ARHGAP18: variants seen among roughly 807,000 people sequenced by gnomAD.
ARHGAP18 encodes the protein Rho GTPase activating protein 18.
A neutral mutation model predicts 86.2 loss-of-function variants in ARHGAP18; 67 were observed. The observed-to-expected ratio is 0.78, with a 90% confidence interval of 0.64 to 0.95. The LOEUF is 0.95. Among genes scored for constraint, ARHGAP18 ranks in the 40% least tolerant of loss-of-function variants. The pLI is 0.00. For synonymous variants in ARHGAP18, 283 were observed against 280.4 expected (o/e 1.01, Z -0.09); for missense variants, 691 against 780.4 (o/e 0.89, Z 1.37).
intron 1 of ARHGAP18, among the ~76,000 whole-genome samples, chr6:129,661,457 C>T (rs1381654417): frequency 1.3e-5 from 2 of 148,690 alleles, no homozygotes; most frequent in African/African-American, 2.5e-5. Context: ...GTTCATTCTA[C>T]TTTACTGTTT....
intron 5 of ARHGAP18, among the ~76,000 whole-genome samples, chr6:129,626,153 G>T (rs1789467048): frequency 7.0e-6 from 1 of 142,630 alleles, no homozygotes; most frequent in Admixed American, 7.4e-5. Flanking sequence ...CGCCATAGGG[G>T]GACTGACTCA....
intron 1 of ARHGAP18, among the ~76,000 whole-genome samples, chr6:129,644,603 C>T (rs1304776601): frequency 6.6e-6 from 1 of 152,098 alleles, no homozygotes; most frequent in Non-Finnish European, 1.5e-5. Context: ...AACTCTTACC[C>T]CCCTGTGAGA....
At chr6:129,589,625 C>G (rs983933951) in intron 12 of ARHGAP18, among the ~76,000 whole-genome samples, 4 of 152,224 alleles carry the variant, frequency 2.6e-5, no homozygotes, top group Non-Finnish European at 4.4e-5. Context: ...CGGTTCCAAC[C>G]TCTGCCTGTT....
At chr6:129,681,365 C>T (rs565478226) in intron 1 of ARHGAP18, among the ~76,000 whole-genome samples, 2 of 152,312 alleles carry the variant, frequency 1.3e-5, no homozygotes, top group East Asian at 1.9e-4. Flanking sequence ...CGTGAGCCAC[C>T]GCGCCCAGCT....
At chr6:129,696,514 G>A (rs17467729) in intron 1 of ARHGAP18, among the ~76,000 whole-genome samples, 3,780 of 152,228 alleles carry the variant, frequency 0.025, 107 homozygotes, top group Admixed American at 0.069. Flanking sequence ...ATAATAAAGT[G>A]TCCTGCAAAC....
chr6:129,625,717 A>G (rs1346907178), intron 5 of ARHGAP18, among the ~76,000 whole-genome samples: 1 of 53,478 alleles, frequency 1.9e-5, no homozygotes, highest in Admixed American at 3.5e-4. Flanking sequence ...TTATATATTT[A>G]TATATTATAT....
At chr6:129,649,476 C>A (rs982626867) in intron 1 of ARHGAP18, among the ~76,000 whole-genome samples, 1 of 150,152 alleles carries the variant, frequency 6.7e-6, no homozygotes, top group Non-Finnish European at 1.5e-5. Context: ...ATTGCTGGAA[C>A]CCGGGAGGCA....
At chr6:129,598,390 T>C (rs904027755) in intron 12 of ARHGAP18, among the ~76,000 whole-genome samples, 1 of 152,072 alleles carries the variant, frequency 6.6e-6, no homozygotes, top group African/African-American at 2.4e-5. Flanking sequence ...AAACCGAAAA[T>C]TCAGACAAAG....
In ARHGAP18 at chr6:129,625,897, TATATTTATATATTATATATTATAG is replaced by T. The variant is rs1789443159; in HGVS notation, c.786+3432_786+3455del. On this transcript the variant is annotated intron_variant, in intron 5 of 14. Coordinates refer to ENST00000368149, the MANE Select transcript of ARHGAP18 (RefSeq NM_033515.3). ...TTATATATTTATATATTATATATTA[TATATTTATATATTATATATTATAG>T]ATATTTATATATTATATATTATATA... Among the ~76,000 whole-genome samples, 7 of 80,498 alleles carry T rather than the reference TATATTTATATATTATATATTATAG, an allele frequency of 8.7e-5. No homozygotes were observed. The South Asian group carries it at 2.2e-3, about 25-fold the overall frequency. 52.8% of individuals were successfully genotyped at this position (80,498 alleles called of 152,430 possible). A position where few individuals can be genotyped will look rare whatever the true frequency, so the allele number is the denominator to read the frequency against.
At chr6:129,702,323 C>T (rs1476189085) in intron 1 of ARHGAP18, among the ~76,000 whole-genome samples, 3 of 152,176 alleles carry the variant, frequency 2.0e-5, no homozygotes, top group Admixed American at 2.0e-4. Context: ...ACATCCCTTC[C>T]GTTCCTCCTG....
intron 1 of ARHGAP18, among the ~76,000 whole-genome samples, chr6:129,657,471 T>C (rs1185453821): frequency 6.7e-6 from 1 of 150,276 alleles, no homozygotes; most frequent in Non-Finnish European, 1.5e-5. Flanking sequence ...TGGGCCAGAC[T>C]GGACAGGAGC....
rs1336856755 is a variant in ARHGAP18, at chr6:129,618,738, C to T, written c.901G>A (p.Val301Ile). The change falls in exon 6 of 15, where the codon GTA becomes ATA. Residue 301 changes from valine to isoleucine, a missense_variant. Coordinates refer to ENST00000368149, the MANE Select transcript of ARHGAP18 (RefSeq NM_033515.3). ...TGTTGTTTCAGCTCAATACCCAATA[C>T]ATCATAGAGGGCAGTCAGCTCAATT... ...ALIELTALYD[V>I]LGIELKQQKA... is the part of the protein sequence containing the mutation. 9.3e-6 allele frequency: 15 copies of T among 1,613,450 alleles called. No individual in the cohort carries two copies. The highest frequency in any genetic ancestry group is 1.6e-4 in the Middle Eastern group (1 of 6,080).
intron 1 of ARHGAP18, among the ~76,000 whole-genome samples, chr6:129,693,473 G>C (rs1774561618): frequency 6.6e-6 from 1 of 152,096 alleles, no homozygotes; most frequent in African/African-American, 2.4e-5. Flanking sequence ...CCCAGCCTAG[G>C]GCTTTCTCTT....
chr6:129,618,493 T>G (rs574686632), intron 6 of ARHGAP18, among the ~76,000 whole-genome samples, 194 bp downstream of exon 6: 3 of 152,246 alleles, frequency 2.0e-5, no homozygotes, highest in African/African-American at 7.2e-5. Context: ...TTATTCTCTA[T>G]AGTCTAGGAC....
rs1382880850 is a variant in ARHGAP18 at position 129,600,637 on chromosome 6, C to T, written c.1572+5G>A. On this transcript the variant is annotated splice_donor_5th_base_variant and intron_variant, in intron 11 of 14. Transcript: ENST00000368149. ...CTAAGACCAAAGCATATGATATATA[C>T]TTACTGTCCACAGAAGTTTTTGGTA... 1.2e-6 allele frequency: 2 copies of T among 1,611,534 alleles called. No homozygotes were observed. The highest frequency in any genetic ancestry group is 1.7e-5 in the Admixed American group (1 of 59,866).
At chr6:129,662,175 A>C (rs1773967126) in intron 1 of ARHGAP18, among the ~76,000 whole-genome samples, 1 of 152,276 alleles carries the variant, frequency 6.6e-6, no homozygotes. Context: ...TGCAGGTCAC[A>C]GAAGCAAAGG....
At chr6:129,683,116 G>A (rs945241781) in intron 1 of ARHGAP18, among the ~76,000 whole-genome samples, 5 of 149,160 alleles carry the variant, frequency 3.4e-5, no homozygotes, top group Non-Finnish European at 5.9e-5. Context: ...GTGTCACCCA[G>A]GCTGGACTGC....
At chr6:129,648,224 T>TGC (rs1773619470) in intron 1 of ARHGAP18, among the ~76,000 whole-genome samples, 1 of 152,006 alleles carries the variant, frequency 6.6e-6, no homozygotes, top group African/African-American at 2.4e-5. Flanking sequence ...CAGGCTGAAG[T>TGC]GCAGTCCACA....
intron 1 of ARHGAP18, among the ~76,000 whole-genome samples, chr6:129,645,589 G>A (rs766795780): frequency 5.9e-5 from 9 of 152,010 alleles, no homozygotes; most frequent in Non-Finnish European, 1.3e-4. Flanking sequence ...TGTGCTAATC[G>A]TGCCATGGAT....
Sources: allele counts gnomAD v4.1 joint callset (sites outside exome capture counted in the v4.1 genomes callset), GRCh38; gene constraint gnomAD v4.1.1; transcripts MANE v1.5; gene names NCBI Gene and HGNC (gene_info 2026-07-23, HGNC 2026-07-21).